RIMBP2: variants seen among roughly 807,000 people sequenced by gnomAD.
The protein encoded by RIMBP2 is RIMS binding protein 2.
A neutral mutation model predicts 118.6 loss-of-function variants in RIMBP2; 48 were observed. The observed-to-expected ratio is 0.40, with a 90% confidence interval of 0.32 to 0.51. The LOEUF (loss-of-function observed/expected upper bound fraction) is 0.51. RIMBP2 is among the 20% of genes least tolerant of loss of function. RIMBP2 has a pLI of 0.41. For missense variants in RIMBP2, 1,551 were observed against 1,768.3 expected (o/e 0.88, Z 2.20); for synonymous variants, 762 against 742.9 (o/e 1.03, Z -0.42).
At chr12:130,595,402 C>G (rs1355353240) in intron 2 of RIMBP2, among the ~76,000 whole-genome samples, 1 of 151,980 alleles carries the variant, frequency 6.6e-6, no homozygotes, top group African/African-American at 2.4e-5. Context: ...ACTAAAAATA[C>G]AAAAAATTAG....
intron 3 of RIMBP2, among the ~76,000 whole-genome samples, chr12:130,516,222 G>A (rs1027907712): frequency 1.3e-5 from 2 of 152,186 alleles, no homozygotes; most frequent in Non-Finnish European, 2.9e-5. Flanking sequence ...GAAAATAAGT[G>A]TCAAATCAAG....
chr12:130,626,446 T>C (rs1448734426), intron 2 of RIMBP2, among the ~76,000 whole-genome samples: 1 of 145,520 alleles, frequency 6.9e-6, no homozygotes, highest in Non-Finnish European at 1.5e-5. Context: ...ACCACTGGCA[T>C]CACCACCATC....
At chr12:130,507,459 ACTGT>A (rs1209170732) in intron 3 of RIMBP2, among the ~76,000 whole-genome samples, 26 of 152,198 alleles carry the variant, frequency 1.7e-4, no homozygotes, top group Admixed American at 5.9e-4. Context: ...GTGTTTTCCC[ACTGT>A]CTAAGCATAT....
At chr12:130,557,915 G>T (rs4759493) in intron 2 of RIMBP2, among the ~76,000 whole-genome samples, 61,402 of 151,924 alleles carry the variant, frequency 0.4, 13,044 homozygotes, top group Non-Finnish European at 0.47. Context: ...GCTTCGGCAA[G>T]TTACTTACTC....
Position 130,446,945 on chromosome 12 carries a change from C to G in RIMBP2, c.582-1676G>C, listed in dbSNP as rs976091331. Among the ~76,000 whole-genome samples, 1 of 151,152 alleles carries G rather than the reference C, an allele frequency of 6.6e-6. No homozygotes were observed. The highest frequency in any genetic ancestry group is 2.4e-5 in the African/African-American group (1 of 41,006). ...ATGAGGGACTGAGGTGCAGGAGGAC[C>G]CTCGGCTTTCTGGCCTCAGGGTGAG... On this transcript the variant is annotated intron_variant, in intron 9 of 22. Transcript: ENST00000690449. The surrounding 1 kb of genome is among the most constrained non-coding windows in gnomAD (Gnocchi z 4.1).
At chr12:130,695,015 C>G (rs571083395) in intron 1 of RIMBP2, among the ~76,000 whole-genome samples, 1 of 152,324 alleles carries the variant, frequency 6.6e-6, no homozygotes, top group Admixed American at 6.5e-5. Flanking sequence ...CAGTGTCGCT[C>G]CCATTATGAA....
chr12:130,521,652 C>A (rs960116296), intron 2 of RIMBP2, among the ~76,000 whole-genome samples: 1 of 152,240 alleles, frequency 6.6e-6, no homozygotes, highest in Non-Finnish European at 1.5e-5. Flanking sequence ...CTCATGCCCC[C>A]TGCCTAGTGA....
chr12:130,571,018 A>C (rs1473740308), intron 2 of RIMBP2, among the ~76,000 whole-genome samples: 1 of 152,190 alleles, frequency 6.6e-6, no homozygotes, highest in African/African-American at 2.4e-5. Context: ...CTTAGAACTG[A>C]ATTTATGGCA....
intron 2 of RIMBP2, among the ~76,000 whole-genome samples, chr12:130,601,446 G>T (rs867575314): frequency 2.7e-5 from 4 of 149,484 alleles, no homozygotes; most frequent in Non-Finnish European, 5.9e-5. Flanking sequence ...ATGTTGAAAA[G>T]CCAGCTACAT....
At chr12:130,500,436 T>C (rs2049635940) in intron 4 of RIMBP2, among the ~76,000 whole-genome samples, 1 of 152,086 alleles carries the variant, frequency 6.6e-6, no homozygotes, top group Non-Finnish European at 1.5e-5. Context: ...CCAGCCTGGG[T>C]GACTGAGCGA....
intron 2 of RIMBP2, among the ~76,000 whole-genome samples, chr12:130,592,658 C>T (rs908125699): frequency 1.4e-5 from 2 of 146,898 alleles, no homozygotes; most frequent in African/African-American, 5.1e-5. Flanking sequence ...CACTGCACTC[C>T]AGCCTGGGCA....
At chr12:130,649,809 C>T (rs751181001) in intron 1 of RIMBP2, among the ~76,000 whole-genome samples, 34 of 152,054 alleles carry the variant, frequency 2.2e-4, no homozygotes, top group Non-Finnish European at 7.4e-5. Context: ...CCCTGCTACC[C>T]CAGCCCCCGA....
chr12:130,434,238 C>T lies in RIMBP2; in HGVS notation c.2253+496G>A, dbSNP rs1172921274. 1.3e-5 allele frequency among the ~76,000 whole-genome samples: 2 copies of T among 152,162 alleles called. No homozygotes were observed. The highest frequency in any genetic ancestry group is 2.4e-5 in the African/African-American group (1 of 41,442). On this transcript the variant is annotated intron_variant, in intron 14 of 22. Transcript: ENST00000690449. The surrounding 1 kb of genome is among the most constrained non-coding windows in gnomAD (Gnocchi z 5.7). Reference sequence around the variant, plus strand: ...GCATTTCCATTAGAATATGCACGATCGGAAATTAGACAGAAACCCCAAACT... The same window carrying T: ...GCATTTCCATTAGAATATGCACGATTGGAAATTAGACAGAAACCCCAAACT...
chr12:130,420,318 A>C lies in RIMBP2; in HGVS notation c.3238+2135T>G, dbSNP rs567679937. On this transcript the variant is annotated intron_variant, in intron 17 of 22. Coordinates refer to ENST00000690449, the MANE Select transcript of RIMBP2 (RefSeq NM_001393629.1). The surrounding 1 kb of genome is among the most constrained non-coding windows in gnomAD (Gnocchi z 4.3). ...TGGTGTCCCGGCTTGCTACATGATA[A>C]GAAGTCAGCACAATTAAAGCAAACC... Among the ~76,000 whole-genome samples, 32 of 152,122 alleles carry C rather than the reference A, an allele frequency of 2.1e-4. No individual in the cohort carries two copies. In the South Asian group the frequency reaches 5.6e-3, roughly 27 times the overall value.
intron 3 of RIMBP2, among the ~76,000 whole-genome samples, chr12:130,512,269 A>T (rs143926975): frequency 1.8e-4 from 27 of 151,438 alleles, no homozygotes; most frequent in Non-Finnish European, 3.4e-4. Flanking sequence ...GGCTGAGCAC[A>T]ATATAGGGGT....
chr12:130,695,762 G>A lies in RIMBP2; in HGVS notation c.-352+20460C>T, dbSNP rs78100703. On this transcript the variant is annotated intron_variant, in intron 1 of 22. Transcript: ENST00000690449. ...GGCAGAGGCTAGGATGGCTGTCTAGGTGAAGGGCAGGCTGGTCTGGACTAA... is the reference window on the plus strand; with the variant it reads ...GGCAGAGGCTAGGATGGCTGTCTAGATGAAGGGCAGGCTGGTCTGGACTAA... Among the ~76,000 whole-genome samples, 197 of 152,260 alleles carry A rather than the reference G, an allele frequency of 1.3e-3. 1 individual carries two copies. Among genetic ancestry groups the A allele is most frequent in the African/African-American group, 4.6e-3 (191 of 41,552 alleles).
intron 1 of RIMBP2, among the ~76,000 whole-genome samples, chr12:130,686,441 T>A (rs949732479): frequency 3.9e-5 from 6 of 152,250 alleles, no homozygotes; most frequent in African/African-American, 1.4e-4. Flanking sequence ...GGGCACCTCG[T>A]CCCCTTTGTC....
intron 2 of RIMBP2, among the ~76,000 whole-genome samples, chr12:130,540,708 A>G (rs1311325785): frequency 6.6e-6 from 1 of 152,148 alleles, no homozygotes; most frequent in Non-Finnish European, 1.5e-5. Flanking sequence ...CCCTAGTATT[A>G]GTTGGTCAGG....
chr12:130,584,655 CATCACAACCATTACATCATCACT>C (rs1260821525), intron 2 of RIMBP2, among the ~76,000 whole-genome samples: 9 of 81,200 alleles, frequency 1.1e-4, no homozygotes, highest in Non-Finnish European at 1.5e-4. Flanking sequence ...ACCATCACCT[CATCACAACCATTACATCATCACT>C]ATCACAACCA....
Sources: allele counts gnomAD v4.1 joint callset (sites outside exome capture counted in the v4.1 genomes callset), GRCh38; gene constraint gnomAD v4.1.1; non-coding constraint Gnocchi (gnomAD v3.1); transcripts MANE v1.5; gene names NCBI Gene and HGNC (gene_info 2026-07-23, HGNC 2026-07-21).